Variants in ZNF143 observed in about 807,000 individuals in gnomAD.
The protein encoded by ZNF143 is zinc finger protein 143.
In ZNF143, 49 loss-of-function variants were observed where a neutral mutation model predicts 74.1. That is an observed-to-expected ratio of 0.66 (90% CI 0.53 to 0.84). The LOEUF is 0.84. Among genes scored for constraint, ZNF143 ranks in the 40% least tolerant of loss-of-function variants. The probability of loss-of-function intolerance (pLI) is 0.00; values close to 1 mark genes in which losing one functional copy is unlikely to be tolerated. For missense variants in ZNF143, 637 were observed against 793.4 expected, an observed-to-expected ratio of 0.80 and a Z score of 2.37; for synonymous variants, 304 against 282.8, an observed-to-expected ratio of 1.07 and a Z score of -0.75.
intron 12 of ZNF143, among the ~76,000 whole-genome samples, chr11:9,511,387 C>T (rs1848538715): frequency 6.6e-6 from 1 of 151,828 alleles, no homozygotes; most frequent in Non-Finnish European, 1.5e-5. Context: ...AGCTCCGCCT[C>T]CTAGGTTCAC....
intron 14 of ZNF143, among the ~76,000 whole-genome samples, chr11:9,517,921 C>A (rs1228476664): frequency 6.6e-6 from 1 of 152,130 alleles, no homozygotes; most frequent in Non-Finnish European, 1.5e-5. Flanking sequence ...CCAAAAGACA[C>A]TGTTAAGAAA....
chr11:9,516,095 T>G, intron 13 of ZNF143, 106 bp from the exon 14 acceptor site: 1 of 925,604 alleles, frequency 1.1e-6, no homozygotes, highest in South Asian at 2.2e-5. Context: ...AAGGCTTATT[T>G]ACATCCACAG....
In ZNF143 at chr11:9,507,923, A is replaced by G. The variant is rs535074153; in HGVS notation, c.1148-696A>G. Among the ~76,000 whole-genome samples, 35 of 152,332 alleles carry G rather than the reference A, an allele frequency of 2.3e-4. 1 individual carries two copies. The South Asian group carries it at 4.6e-3, about 20-fold the overall frequency. On this transcript the variant is annotated intron_variant, in intron 11 of 15. Coordinates refer to ENST00000396602, the MANE Select transcript of ZNF143 (RefSeq NM_003442.6). ...GTCATGAACTGATAGTTGAAGCTGG[A>G]TGATTGGTACATGGGGAACTGTTTC... is the stretch of plus-strand genomic sequence containing the variant.
chr11:9,519,242 C>T (rs899692813), intron 14 of ZNF143, among the ~76,000 whole-genome samples: 8 of 151,084 alleles, frequency 5.3e-5, no homozygotes, highest in African/African-American at 1.9e-4. Flanking sequence ...GACAGAGCCT[C>T]ACTCTGTCAC....
rs200249283 is a variant in ZNF143 at position 9,473,972 on chromosome 11, G to A, written c.237G>A (p.Gln79=). The change falls in exon 4 of 16, where the codon CAG becomes CAA. Residue 79 remains glutamine, a synonymous_variant. Coordinates refer to ENST00000396602, the MANE Select transcript of ZNF143 (RefSeq NM_003442.6). ...DAKLIDGQVI[Q]LEDGSAAYVQ... ...AACTCATAGATGGCCAGGTCATTCA[G>A]TTGGAAGATGGTTCTGCGGCCTATG... is the stretch of plus-strand genomic sequence containing the variant. 3 of 1,614,012 alleles carry A rather than the reference G, an allele frequency of 1.9e-6. No individual in the cohort carries two copies. Among genetic ancestry groups the A allele is most frequent in the Admixed American group, 3.3e-5 (2 of 59,998 alleles).
Position 9,527,782 on chromosome 11 carries a change from A to G in ZNF143, c.*169A>G. 1 of 600,252 alleles carries G rather than the reference A, an allele frequency of 1.7e-6. No homozygotes were observed. The highest frequency in any genetic ancestry group is 2.1e-5 in the South Asian group (1 of 48,538). The allele number at this position is 600,252 out of a possible 1,614,324, so 37.2% of individuals were successfully genotyped here. On this transcript the variant is annotated 3_prime_UTR_variant, in exon 16 of 16. Transcript: ENST00000396602. Reference sequence around the variant, plus strand: ...TATTCTTGACACTTTTGTGTATATAACCCTTGGAATAGATTCTCAGAGTGA... The same window carrying G: ...TATTCTTGACACTTTTGTGTATATAGCCCTTGGAATAGATTCTCAGAGTGA...
intron 14 of ZNF143, among the ~76,000 whole-genome samples, chr11:9,520,528 C>T (rs1350141784): frequency 1.3e-5 from 2 of 151,930 alleles, no homozygotes; most frequent in African/African-American, 2.4e-5. Context: ...CACAGTGGCT[C>T]ATGCCTGTAA....
At chr11:9,518,775 A>G (rs914277092) in intron 14 of ZNF143, among the ~76,000 whole-genome samples, 3 of 152,078 alleles carry the variant, frequency 2.0e-5, no homozygotes, top group African/African-American at 7.2e-5. Flanking sequence ...TTTTGTATTA[A>G]CGGTTTAAGC....
chr11:9,479,535 A>G lies in ZNF143; in HGVS notation c.634A>G (p.Lys212Glu). The G allele has an allele frequency of 6.2e-7, 1 of 1,612,398 alleles. No homozygotes were observed. The highest frequency in any genetic ancestry group is 8.5e-7 in the Non-Finnish European group (1 of 1,179,296). ...AATGATTGGAGAAAATGAGCAAGAGAAAAAAATGCAGGTATGTAAAGCTAC... is the reference window on the plus strand; with the variant it reads ...AATGATTGGAGAAAATGAGCAAGAGGAAAAAATGCAGGTATGTAAAGCTAC... ...TGMIGENEQE[K>E]KMQIVLQGHA... The change falls in exon 7 of 16, where the codon AAA becomes GAA. Residue 212 changes from lysine to glutamate, a missense_variant. By Grantham distance (56) the Lys-to-Glu change is moderately conservative (BLOSUM62 1). Transcript: ENST00000396602.
chr11:9,519,890 G>A (rs1420050130), intron 14 of ZNF143, among the ~76,000 whole-genome samples: 3 of 152,044 alleles, frequency 2.0e-5, no homozygotes, highest in South Asian at 2.1e-4. Flanking sequence ...TGGTTAAAAC[G>A]TTTTTAAAAA....
intron 13 of ZNF143, among the ~76,000 whole-genome samples, chr11:9,512,866 A>C (rs1271650828): frequency 2.6e-5 from 4 of 152,208 alleles, no homozygotes; most frequent in African/African-American, 9.6e-5. Flanking sequence ...GGGCTTCAAA[A>C]GTACTGGATC....
At chr11:9,467,444 C>T (rs375028144) in intron 1 of ZNF143, among the ~76,000 whole-genome samples, 2 of 151,494 alleles carry the variant, frequency 1.3e-5, no homozygotes, top group Middle Eastern at 3.4e-3. Context: ...TCATGTTGTC[C>T]GGGCTGTTCT....
intron 1 of ZNF143, chr11:9,461,846 AAG>A (rs1469101692): frequency 1.3e-5 from 2 of 152,220 alleles, no homozygotes; most frequent in African/African-American, 4.8e-5. Flanking sequence ...CGAAGTTAAA[AAG>A]AGGAAAGAAG....
chr11:9,475,179 T>C (rs1263611755), intron 5 of ZNF143, among the ~76,000 whole-genome samples: 2 of 152,132 alleles, frequency 1.3e-5, no homozygotes. Flanking sequence ...AGCCTTAATT[T>C]CATATTTTAA....
At position 9,474,587 on chromosome 11, in the gene ZNF143, A is replaced by G. The variant is rs1417595913; in HGVS notation, c.327A>G (p.Val109=). 2.5e-6 allele frequency: 4 copies of G among 1,614,206 alleles called. No individual in the cohort carries two copies. Among genetic ancestry groups the G allele is most frequent in the Non-Finnish European group, 2.5e-6 (3 of 1,180,042 alleles). ...TGCGTCTAGAGGATGGTCAAGCAGT[A>G]CAGTTAGAAGATGGTACCACAGCAT... ...DSLRLEDGQA[V]QLEDGTTAFI... Residue 109 remains valine (V), a synonymous_variant, in exon 5 of 16, where the codon GTA becomes GTG. Transcript: ENST00000396602.
rs544212617 is a variant in ZNF143, at chr11:9,511,180, G to A, written c.1376-1268G>A. Among the ~76,000 whole-genome samples the A allele has an allele frequency of 3.0e-4, 37 of 124,542 alleles. 2 individuals are homozygous for A. The highest frequency in any genetic ancestry group is 1.1e-3 in the African/African-American group (37 of 35,086). The allele number at this position is 124,542 out of a possible 152,430, so 81.7% of individuals were successfully genotyped here. A position where few individuals can be genotyped will look rare whatever the true frequency, so the allele number is the denominator to read the frequency against. On this transcript the variant is annotated intron_variant, in intron 12 of 15. Transcript: ENST00000396602. ...GGCTGGAGTGCAATGGTGCCATCTC[G>A]GCTCACCACAAGCCCTGCCTCCCGG...
At chr11:9,498,875 C>A (rs991260926) in intron 10 of ZNF143, among the ~76,000 whole-genome samples, 7 of 152,196 alleles carry the variant, frequency 4.6e-5, no homozygotes, top group African/African-American at 1.7e-4. Flanking sequence ...GTTTAACCTG[C>A]AGCTTAACTA....
In ZNF143 at chr11:9,507,498, G is replaced by A. The variant is rs149809389; in HGVS notation, c.1148-1121G>A. Among the ~76,000 whole-genome samples, 840 of 152,226 alleles carry A rather than the reference G, an allele frequency of 5.5e-3. 5 individuals are homozygous for A. Among genetic ancestry groups the A allele is most frequent in the African/African-American group, 0.019 (771 of 41,532 alleles). On this transcript the variant is annotated intron_variant, in intron 11 of 15. Coordinates refer to ENST00000396602, the MANE Select transcript of ZNF143 (RefSeq NM_003442.6). ...TACAGTAAACAAGCCTACTACAAAT[G>A]AGCTGAATATTTGTTTGCAATTCTT...
intron 10 of ZNF143, among the ~76,000 whole-genome samples, chr11:9,500,230 T>A (rs973643523): frequency 6.6e-6 from 1 of 152,036 alleles, no homozygotes; most frequent in African/African-American, 2.4e-5. Flanking sequence ...TACAGGCATG[T>A]GCTGCTGTGC....
Sources: gnomAD v4.1 joint callset for allele counts (sites outside exome capture counted in the v4.1 genomes callset) on GRCh38, gnomAD v4.1.1 for gene constraint, MANE v1.5 for transcripts, NCBI Gene and HGNC (gene_info 2026-07-23, HGNC 2026-07-21) for gene names.